Variants in STON2 observed in about 807,000 individuals in gnomAD.
STON2 encodes the protein stonin 2, also known as stonin-2.
In STON2, 29 loss-of-function variants were observed where a neutral mutation model predicts 65.7. That is an observed-to-expected ratio of 0.44 (90% CI 0.33 to 0.60). The LOEUF is 0.60. Ranked by LOEUF, STON2 falls within the 20% of genes least tolerant of loss-of-function variation. STON2 has a pLI of 0.03. For missense variants in STON2, 1,054 were observed against 1,118.1 expected (o/e 0.94, Z 0.82); for synonymous variants, 404 against 414.2 (o/e 0.98, Z 0.30).
intron 5 of STON2, among the ~76,000 whole-genome samples, chr14:81,288,724 G>GA (rs955708492): frequency 6.7e-6 from 1 of 150,296 alleles, no homozygotes; most frequent in South Asian, 2.1e-4. Flanking sequence ...GAAAAGAAGT[G>GA]AAAAGGGGGC....
upstream of STON2, among the ~76,000 whole-genome samples, chr14:81,401,071 A>G (rs762803442): frequency 6.6e-6 from 1 of 152,166 alleles, no homozygotes; most frequent in Non-Finnish European, 1.5e-5. Flanking sequence ...GACTCGCCCA[A>G]CGTTGCGTAA....
intron 2 of STON2, among the ~76,000 whole-genome samples, chr14:81,424,644 T>C (rs796640459): frequency 3.9e-5 from 6 of 152,258 alleles, no homozygotes; most frequent in African/African-American, 1.4e-4. Flanking sequence ...TTCCTTATAG[T>C]GGGAGGACAG....
intron 4 of STON2, among the ~76,000 whole-genome samples, chr14:81,328,781 C>T (rs1048873774): frequency 2.0e-5 from 3 of 152,096 alleles, no homozygotes; most frequent in Non-Finnish European, 4.4e-5. Flanking sequence ...CCCAAGAGAG[C>T]TGGCTGTCAA....
Position 81,264,877 on chromosome 14 carries a change from T to C in STON2, c.*3537A>G. 1 of 985,410 alleles carries C rather than the reference T, an allele frequency of 1.0e-6. No individual in the cohort carries two copies. Among genetic ancestry groups the C allele is most frequent in the Non-Finnish European group, 1.2e-6 (1 of 829,918 alleles). The allele number at this position is 985,410 out of a possible 1,614,324, so 61.0% of individuals were successfully genotyped here. A position where few individuals can be genotyped will look rare whatever the true frequency, so the allele number is the denominator to read the frequency against. ...GGTCTCCCCACAAAGTGCCTCACAT[T>C]GTCTTGTCTGACATGTCATGAGTAC... On this transcript the variant is annotated 3_prime_UTR_variant, in exon 8 of 8. Transcript: ENST00000614646.
intron 4 of STON2, among the ~76,000 whole-genome samples, chr14:81,370,360 G>A (rs991895619): frequency 1.3e-5 from 2 of 152,156 alleles, no homozygotes; most frequent in African/African-American, 2.4e-5. Flanking sequence ...AACCTTGCCT[G>A]TAATTCAGCA....
In STON2 at chr14:81,307,879, C is replaced by T. The variant is rs144835215; in HGVS notation, c.742+16138G>A. On this transcript the variant is annotated intron_variant, in intron 5 of 7. Transcript: ENST00000614646. ...CATTTTATGTTATTGGTAAGACTTC[C>T]AGTCAACAGTTGGCTATTTTAGTAG... 1.8e-3 allele frequency among the ~76,000 whole-genome samples: 278 copies of T among 152,166 alleles called. 1 individual carries two copies. The highest frequency in any genetic ancestry group is 6.3e-3 in the African/African-American group (262 of 41,512).
rs990061418 is a variant in STON2 at position 81,266,600 on chromosome 14, T to A, written c.*1814A>T. ...CTCTCTTAAAATATGATACCCATAA[T>A]TGAACTCAACCCTCCATTTAGATAT... On this transcript the variant is annotated 3_prime_UTR_variant, in exon 8 of 8. Transcript: ENST00000614646. The A allele has an allele frequency of 1.2e-6, 1 of 858,006 alleles. No individual in the cohort carries two copies. Among genetic ancestry groups the A allele is most frequent in the Admixed American group, 6.2e-5 (1 of 16,112 alleles). 53.1% of individuals were successfully genotyped at this position (858,006 alleles called of 1,614,324 possible). A position where few individuals can be genotyped will look rare whatever the true frequency, so the allele number is the denominator to read the frequency against.
chr14:81,305,068 T>C (rs965564184), intron 5 of STON2, among the ~76,000 whole-genome samples: 1 of 152,232 alleles, frequency 6.6e-6, no homozygotes, highest in Non-Finnish European at 1.5e-5. Context: ...ATATAGTATG[T>C]TCTCTTTATG....
chr14:81,321,138 A>G (rs58943901), intron 5 of STON2, among the ~76,000 whole-genome samples: 10,967 of 152,218 alleles, frequency 0.072, 496 homozygotes, highest in African/African-American at 0.13. Flanking sequence ...CTGGGATGTC[A>G]CAGCAGTTAT....
chr14:81,431,304 A>T (rs1902216507), intron 1 of STON2, among the ~76,000 whole-genome samples: 1 of 152,168 alleles, frequency 6.6e-6, no homozygotes, highest in Non-Finnish European at 1.5e-5. Context: ...TCATTTTATA[A>T]TATGAGCTCA....
intron 4 of STON2, among the ~76,000 whole-genome samples, chr14:81,340,375 A>G (rs1249343746): frequency 6.6e-6 from 1 of 152,154 alleles, no homozygotes; most frequent in Non-Finnish European, 1.5e-5. Context: ...CATTATCTTG[A>G]TTATGGTGAT....
At chr14:81,426,470 A>AC (rs1233634391) in intron 2 of STON2, among the ~76,000 whole-genome samples, 3 of 150,750 alleles carry the variant, frequency 2.0e-5, no homozygotes, top group African/African-American at 4.9e-5. Context: ...TAAGCTAGGG[A>AC]CCCCCCACAC....
intron 3 of STON2, among the ~76,000 whole-genome samples, chr14:81,383,060 G>A (rs546768417): frequency 3.3e-5 from 5 of 152,322 alleles, no homozygotes; most frequent in East Asian, 1.9e-4. Flanking sequence ...GACCTTTGAT[G>A]TCTGAGCCAG....
At chr14:81,272,667 A>T (rs1894647917) in intron 6 of STON2, among the ~76,000 whole-genome samples, 5 of 152,258 alleles carry the variant, frequency 3.3e-5, no homozygotes, top group African/African-American at 4.8e-5. Context: ...ATTTTCAGAA[A>T]AGAATTTAAG....
chr14:81,384,858 T>C (rs941470740), intron 3 of STON2, among the ~76,000 whole-genome samples: 15 of 152,244 alleles, frequency 9.9e-5, no homozygotes, highest in African/African-American at 3.4e-4. Context: ...TAGGATTTTT[T>C]TGATGTGTAA....
At chr14:81,339,227 G>A (rs1384852081) in intron 4 of STON2, among the ~76,000 whole-genome samples, 2 of 152,186 alleles carry the variant, frequency 1.3e-5, no homozygotes, top group Non-Finnish European at 2.9e-5. Flanking sequence ...AATAAACACA[G>A]CTACCCTAAA....
upstream of STON2, among the ~76,000 whole-genome samples, chr14:81,404,953 A>C (rs1470282458): frequency 9.2e-5 from 14 of 152,202 alleles, no homozygotes; most frequent in Non-Finnish European, 1.5e-5. Flanking sequence ...TGAGCAGTTG[A>C]TTATATGTAA....
chr14:81,388,272 G>C (rs1899917313), intron 3 of STON2, among the ~76,000 whole-genome samples: 1 of 152,082 alleles, frequency 6.6e-6, no homozygotes, highest in South Asian at 2.1e-4. Context: ...GTTTCTAAGG[G>C]AGACTGTATA....
At chr14:81,391,240 G>GC (rs1900062656) in intron 3 of STON2, among the ~76,000 whole-genome samples, 2 of 152,236 alleles carry the variant, frequency 1.3e-5, no homozygotes, top group African/African-American at 4.8e-5. Context: ...AGTGATTGCA[G>GC]CAAGTCTCAC....
Sources: gnomAD v4.1 joint callset for allele counts (sites outside exome capture counted in the v4.1 genomes callset) on GRCh38, gnomAD v4.1.1 for gene constraint, MANE v1.5 for transcripts, NCBI Gene and HGNC (gene_info 2026-07-23, HGNC 2026-07-21) for gene names.